The following CNOT1 variants were observed in gnomAD, a reference collection of about 807,000 sequenced individuals.
The protein encoded by CNOT1 is CCR4-NOT transcription complex subunit 1.
Under a neutral mutation model 273.8 loss-of-function variants are expected in CNOT1, and 15 were observed. The observed-to-expected ratio is 0.05, with a 90% CI of 0.04 to 0.08. The LOEUF (loss-of-function observed/expected upper bound fraction) is 0.08, where lower values mean the gene tolerates loss of function less well. CNOT1 is among the 10% of genes least tolerant of loss of function. The pLI, the probability that CNOT1 is intolerant of heterozygous loss-of-function variation, is 1.00. For synonymous variants in CNOT1, 1,022 were observed against 1,005.5 expected, an observed-to-expected ratio of 1.02 and a Z score of -0.31; for missense variants, 1,644 against 2,912.2, an observed-to-expected ratio of 0.56 and a Z score of 10.02.
chr16:58,601,918 TGATG>T (rs2042481399), intron 1 of CNOT1, among the ~76,000 whole-genome samples: 1 of 151,368 alleles, frequency 6.6e-6, no homozygotes, highest in Admixed American at 6.6e-5. Context: ...AATAAAAAGA[TGATG>T]GATACACTTA....
intron 34 of CNOT1, among the ~76,000 whole-genome samples, chr16:58,541,024 G>A (rs2040077080): frequency 6.6e-6 from 1 of 152,046 alleles, no homozygotes; most frequent in Admixed American, 6.6e-5. Context: ...AGGCAACATG[G>A]CAAAACCCCA....
chr16:58,541,818 C>T (rs1373930258), intron 33 of CNOT1, among the ~76,000 whole-genome samples, 198 bp from the exon 34 acceptor site: 1 of 152,234 alleles, frequency 6.6e-6, no homozygotes, highest in Non-Finnish European at 1.5e-5. Flanking sequence ...TGCTAAGAGT[C>T]ACCTCATTTA....
At chr16:58,573,229 C>T (rs1336075621) in intron 16 of CNOT1, among the ~76,000 whole-genome samples, 1 of 150,906 alleles carries the variant, frequency 6.6e-6, no homozygotes, top group African/African-American at 2.4e-5. Flanking sequence ...TCACTTGAAC[C>T]CGGGAGGCAG....
chr16:58,527,922 C>T lies in CNOT1; in HGVS notation c.6453+553G>A, dbSNP rs7198771. Reference sequence around the variant, plus strand: ...CTTGAGGTGAGGAGCTCAAAACCAACCTGGCTGACATGGCGAAACCCCATC... The same window carrying T: ...CTTGAGGTGAGGAGCTCAAAACCAATCTGGCTGACATGGCGAAACCCCATC... On this transcript the variant is annotated intron_variant, in intron 44 of 48. Coordinates refer to ENST00000317147, the MANE Select transcript of CNOT1 (RefSeq NM_016284.5). The T allele has an allele frequency of 2.0e-3, 524 of 257,456 alleles. 3 individuals are homozygous for T. Among genetic ancestry groups the T allele is most frequent in the African/African-American group, 0.011 (487 of 43,362 alleles). The allele number at this position is 257,456 out of a possible 1,614,324, so 15.9% of individuals were successfully genotyped here.
intron 1 of CNOT1, among the ~76,000 whole-genome samples, chr16:58,617,043 A>G (rs971407040): frequency 6.6e-6 from 1 of 152,214 alleles, no homozygotes; most frequent in African/African-American, 2.4e-5. Context: ...ACTGGCATTC[A>G]GTGAGAATTA....
chr16:58,588,318 A>G (rs1177008639), intron 3 of CNOT1, among the ~76,000 whole-genome samples: 1 of 152,164 alleles, frequency 6.6e-6, no homozygotes, highest in Admixed American at 6.6e-5. Context: ...GGAACCAGGA[A>G]ATAAAAAAAG....
At position 58,556,829 on chromosome 16, in the gene CNOT1, G is replaced by A; in HGVS notation, c.2479+18C>T. On this transcript the variant is annotated intron_variant, in intron 19 of 48. Coordinates refer to ENST00000317147, the MANE Select transcript of CNOT1 (RefSeq NM_016284.5). ...TTATCAGTCACACTTCACAATCACAGACAACACTACCACTTACAAGGTTTC... is the reference window on the plus strand; with the variant it reads ...TTATCAGTCACACTTCACAATCACAAACAACACTACCACTTACAAGGTTTC... 1 of 1,610,164 alleles carries A rather than the reference G, an allele frequency of 6.2e-7. No individual in the cohort carries two copies. Among genetic ancestry groups the A allele is most frequent in the African/African-American group, 1.3e-5 (1 of 74,836 alleles).
rs1327987988 is a variant in CNOT1 at position 58,574,989 on chromosome 16, T to C, written c.1827+18A>G. ...ACCAAAATTTAAGAGCAAAAATAAA[T>C]GAACAAATCCTGCTTACCCCATGCT... On this transcript the variant is annotated intron_variant, in intron 15 of 48. Coordinates refer to ENST00000317147, the MANE Select transcript of CNOT1 (RefSeq NM_016284.5). 1 of 1,607,274 alleles carries C rather than the reference T, an allele frequency of 6.2e-7. No homozygotes were observed. Among genetic ancestry groups the C allele is most frequent in the Non-Finnish European group, 8.5e-7 (1 of 1,178,040 alleles).
At position 58,578,934 on chromosome 16, in the gene CNOT1, C is replaced by T. The variant is rs1169494196; in HGVS notation, c.1349G>A (p.Ser450Asn). 1 of 1,613,362 alleles carries T rather than the reference C, an allele frequency of 6.2e-7. No homozygotes were observed. Among genetic ancestry groups the T allele is most frequent in the South Asian group, 1.1e-5 (1 of 91,052 alleles). ...CAGCAGAGATTCAATCAAATCCAAG[C>T]TCTTCCTAACGAGAAAGGAAGAAAC... ...DDNREIATWK[S>N]LDLIESLLRL... The change falls in exon 13 of 49, where the codon AGC becomes AAC. Residue 450 changes from serine (S) to asparagine (N), a missense_variant. Ser to Asn is a conservative substitution (Grantham distance 46). This residue lies in a region of CNOT1 where 706 missense variants were observed against 1,021.2 expected (regional missense o/e 0.69). Coordinates refer to ENST00000317147, the MANE Select transcript of CNOT1 (RefSeq NM_016284.5).
At chr16:58,528,448 T>C in intron 44 of CNOT1, 27 bp downstream of exon 44, 1 of 1,560,430 alleles carries the variant, frequency 6.4e-7, no homozygotes, top group South Asian at 1.1e-5. Flanking sequence ...AAGACATAAG[T>C]TTTCCTTTAA....
In CNOT1 at chr16:58,582,809, T is replaced by C; in HGVS notation, c.1028A>G (p.Asp343Gly). The change falls in exon 10 of 49, where the codon GAC becomes GGC. Residue 343 changes from aspartate to glycine, a missense_variant. By Grantham distance (94) the Asp-to-Gly change is moderately conservative. This residue lies in a region of CNOT1 where 706 missense variants were observed against 1,021.2 expected (regional missense o/e 0.69). Transcript: ENST00000317147. ...AHTWNVEVLI[D>G]VLKELNPSLN... Reference sequence around the variant, plus strand: ...TATACTCACCAGTTCTTTAAGAACGTCAATCAAGACTTCTACATTCCATGT... The same window carrying C: ...TATACTCACCAGTTCTTTAAGAACGCCAATCAAGACTTCTACATTCCATGT... 9 of 1,482,822 alleles carry C rather than the reference T, an allele frequency of 6.1e-6. No homozygotes were observed. Among genetic ancestry groups the C allele is most frequent in the Non-Finnish European group, 8.5e-6 (9 of 1,060,142 alleles). The allele number at this position is 1,482,822 out of a possible 1,614,324, so 91.9% of individuals were successfully genotyped here.
chr16:58,598,821 C>T (rs185935991), intron 2 of CNOT1, among the ~76,000 whole-genome samples: 2 of 151,978 alleles, frequency 1.3e-5, no homozygotes, highest in Non-Finnish European at 2.9e-5. Context: ...CAGAACTTTT[C>T]GAGGCCAAGG....
chr16:58,604,270 G>A (rs1003986653), intron 1 of CNOT1, among the ~76,000 whole-genome samples: 12 of 152,124 alleles, frequency 7.9e-5, no homozygotes, highest in African/African-American at 2.4e-4. Context: ...CAAAGCTATA[G>A]TCACTTTCCA....
chr16:58,593,746 G>A (rs2042147914), intron 2 of CNOT1, among the ~76,000 whole-genome samples: 1 of 152,090 alleles, frequency 6.6e-6, no homozygotes, highest in Admixed American at 6.5e-5. Flanking sequence ...GTGAGGAAAA[G>A]TTAAATTAAA....
At chr16:58,566,601 A>ATCTT (rs1251342347) in intron 16 of CNOT1, among the ~76,000 whole-genome samples, 5 of 152,232 alleles carry the variant, frequency 3.3e-5, no homozygotes. Flanking sequence ...GTGCTTTGGA[A>ATCTT]TGGATAATTA....
At position 58,549,748 on chromosome 16, in the gene CNOT1, C is replaced by T; in HGVS notation, c.3493G>A (p.Val1165Ile). The T allele has an allele frequency of 6.2e-7, 1 of 1,612,562 alleles. No homozygotes were observed. The highest frequency in any genetic ancestry group is 1.1e-5 in the South Asian group (1 of 90,552). Residue 1165 changes from valine (V) to isoleucine (I), a missense_variant, in exon 25 of 49, where the codon GTT (valine) becomes ATT (isoleucine). Val to Ile is a conservative substitution (Grantham distance 29). Around this residue, in one of 13 missense-constraint regions of CNOT1, gnomAD observed 124 missense variants for 289.3 expected, o/e 0.43. Transcript: ENST00000317147. ...TLKNPEFNKM[V>I]LNETYRNIKV... ...ATGTTTCTGTAGGTCTCATTCAGAA[C>T]CATCTTGTTAAATTCAGGATTCTTC... is the stretch of plus-strand genomic sequence containing the variant.
intron 1 of CNOT1, among the ~76,000 whole-genome samples, chr16:58,603,390 C>T (rs1465621433): frequency 4.0e-5 from 6 of 149,676 alleles, no homozygotes. Context: ...TACCTAGACC[C>T]TATCTCTACA....
intron 16 of CNOT1, among the ~76,000 whole-genome samples, chr16:58,572,263 A>G (rs2041299463): frequency 1.3e-5 from 2 of 151,920 alleles, no homozygotes; most frequent in South Asian, 4.2e-4. Context: ...TAGCCTGGGC[A>G]ACAAGAGCAA....
At chr16:58,596,687 A>G (rs976156821) in intron 2 of CNOT1, among the ~76,000 whole-genome samples, 2 of 151,984 alleles carry the variant, frequency 1.3e-5, no homozygotes, top group African/African-American at 4.8e-5. Context: ...GGAGATTGAG[A>G]CCATCCTGGC....
Sources: gnomAD v4.1 joint callset for allele counts (sites outside exome capture counted in the v4.1 genomes callset) on GRCh38, gnomAD v4.1.1 for gene constraint, gnomAD v4.1.1 regional missense constraint, MANE v1.5 for transcripts, NCBI Gene and HGNC (gene_info 2026-07-23, HGNC 2026-07-21) for gene names.